GRIK2: variants seen among roughly 807,000 people sequenced by gnomAD.
The protein encoded by GRIK2 is glutamate ionotropic receptor kainate type subunit 2.
GRIK2 carries 32 observed loss-of-function variants against 100.3 expected under a neutral mutation model. The ratio of observed to expected loss-of-function variants is 0.32; its 90% CI spans 0.24 to 0.43. The LOEUF (loss-of-function observed/expected upper bound fraction) is 0.43. GRIK2 is among the 20% of genes least tolerant of loss of function. The pLI is 1.00. For synonymous variants in GRIK2, 417 were observed against 389.4 expected, an observed-to-expected ratio of 1.07 and a Z score of -0.83; for missense variants, 843 against 1,114.9, an observed-to-expected ratio of 0.76 and a Z score of 3.47.
intron 12 of GRIK2, 144 bp from the exon 13 acceptor site, chr6:101,924,457 G>T: frequency 1.7e-6 from 1 of 603,724 alleles, no homozygotes; most frequent in South Asian, 2.1e-5. Flanking sequence ...TTGCAGGCAC[G>T]TATATGAAAT....
chr6:101,851,601 T>C (rs1194587738), intron 10 of GRIK2, among the ~76,000 whole-genome samples: 1 of 151,986 alleles, frequency 6.6e-6, no homozygotes, highest in Non-Finnish European at 1.5e-5. Context: ...TAAAATACTT[T>C]ATGTTAAAAA....
chr6:101,928,228 G>T, intron 13 of GRIK2, 187 bp from the exon 14 acceptor site: 2 of 592,874 alleles, frequency 3.4e-6, no homozygotes, highest in East Asian at 5.6e-5. Context: ...TGTCCTAAAA[G>T]ATTGTCTATT....
At chr6:102,012,155 A>C (rs1173679643) in intron 14 of GRIK2, among the ~76,000 whole-genome samples, 1 of 151,900 alleles carries the variant, frequency 6.6e-6, no homozygotes, top group Admixed American at 6.6e-5. Context: ...AGGTGACTAT[A>C]TTTATGTTGG....
rs181676436 is a variant in GRIK2, at chr6:101,605,542, A to G, written c.116-16407A>G. 2.8e-4 allele frequency among the ~76,000 whole-genome samples: 42 copies of G among 152,132 alleles called. No homozygotes were observed. In the East Asian group the frequency reaches 6.2e-3, roughly 23 times the overall value. ...ATTTAAAATAAAAAAAGCTTAAATG[A>G]TTATATTTTAAATTGCTACATGTTG... is the stretch of plus-strand genomic sequence containing the variant. On this transcript the variant is annotated intron_variant, in intron 2 of 16. Transcript: ENST00000369134.
chr6:101,694,431 C>T (rs1336439127), intron 7 of GRIK2, among the ~76,000 whole-genome samples: 2 of 151,590 alleles, frequency 1.3e-5, no homozygotes, highest in Non-Finnish European at 2.9e-5. Context: ...TTTTTTCACG[C>T]TAATTAATTA....
rs115191474 is a variant in GRIK2, at chr6:101,399,045, A to G, written c.-233A>G. 6.9e-4 allele frequency: 325 copies of G among 471,980 alleles called. No homozygotes were observed. The highest frequency in any genetic ancestry group is 5.6e-3 in the African/African-American group (282 of 50,478). 29.2% of individuals were successfully genotyped at this position (471,980 alleles called of 1,614,324 possible). A position where few individuals can be genotyped will look rare whatever the true frequency, so the allele number is the denominator to read the frequency against. ...GATTTCTCCCGGATGCTCTCCGACT[A>G]ACATGGATGTCCCACCATTCCTTGC... On this transcript the variant is annotated 5_prime_UTR_variant, in exon 2 of 17. An upstream open reading frame in the 5' UTR loses its in-frame stop. Transcript: ENST00000369134.
At chr6:101,510,233 G>A (rs982625530) in intron 2 of GRIK2, among the ~76,000 whole-genome samples, 1 of 152,106 alleles carries the variant, frequency 6.6e-6, no homozygotes. Context: ...GAGAGTGAGG[G>A]CTTCCACAGG....
At position 101,401,376 on chromosome 6, in the gene GRIK2, T is replaced by A. The variant is rs140306210; in HGVS notation, c.115+1984T>A. Among the ~76,000 whole-genome samples, 62 of 152,026 alleles carry A rather than the reference T, an allele frequency of 4.1e-4. 1 individual carries two copies. Among genetic ancestry groups the A allele is most frequent in the South Asian group, 2.3e-3 (11 of 4,806 alleles). On this transcript the variant is annotated intron_variant, in intron 2 of 16. Transcript: ENST00000369134. ...CAGCTTTCCAAAAGAGCTCTCTCTC[T>A]CACACACACGCACACACACGCACAC...
chr6:101,792,178 C>G (rs1779919358), intron 7 of GRIK2, among the ~76,000 whole-genome samples: 2 of 151,306 alleles, frequency 1.3e-5, no homozygotes, highest in South Asian at 4.2e-4. Flanking sequence ...CAGTCTGTGT[C>G]TTTTAATTGG....
chr6:101,981,427 C>T (rs1334539040), intron 14 of GRIK2, among the ~76,000 whole-genome samples: 2 of 151,790 alleles, frequency 1.3e-5, no homozygotes, highest in African/African-American at 4.8e-5. Context: ...TTGATTGTAT[C>T]ATCTTCATCA....
At chr6:101,495,277 G>A (rs912060052) in intron 2 of GRIK2, among the ~76,000 whole-genome samples, 76 of 151,898 alleles carry the variant, frequency 5.0e-4, no homozygotes, top group Admixed American at 4.1e-3. Context: ...AGGCCGAGGC[G>A]GGTGGATCAC....
intron 2 of GRIK2, among the ~76,000 whole-genome samples, chr6:101,541,349 AC>A (rs71028073): frequency 1 from 150,192 of 150,192 alleles, 75,096 homozygotes; most frequent in Non-Finnish European, 1. Context: ...GGACCGGGTA[AC>A]AGATGTTACA....
chr6:101,614,041 C>T, intron 2 of GRIK2, among the ~76,000 whole-genome samples: 1 of 151,722 alleles, frequency 6.6e-6, no homozygotes, highest in Middle Eastern at 3.4e-3. Context: ...ATAAGTTTGT[C>T]ATTCCTGGAG....
At chr6:101,986,612 T>C (rs1424170398) in intron 14 of GRIK2, among the ~76,000 whole-genome samples, 3 of 151,896 alleles carry the variant, frequency 2.0e-5, no homozygotes, top group African/African-American at 7.2e-5. Context: ...AAAACTCATA[T>C]TTTCAGTTTT....
chr6:102,064,715 T>C (rs1055901716), intron 16 of GRIK2, among the ~76,000 whole-genome samples: 35 of 151,152 alleles, frequency 2.3e-4, no homozygotes, highest in Admixed American at 4.0e-4. Context: ...ACAATTATAT[T>C]TCACAAAACT....
chr6:101,927,827 G>T (rs1790001508), intron 13 of GRIK2: 1 of 152,516 alleles, frequency 6.6e-6, no homozygotes, highest in Non-Finnish European at 1.5e-5. Context: ...TTATACAGGA[G>T]AACATAATTT....
At chr6:101,525,364 A>T (rs952962701) in intron 2 of GRIK2, among the ~76,000 whole-genome samples, 1 of 152,208 alleles carries the variant, frequency 6.6e-6, no homozygotes, top group Non-Finnish European at 1.5e-5. Flanking sequence ...TAAGACAGCT[A>T]TGTGAGTTAC....
rs1024536168 is a variant in GRIK2 at position 101,848,413 on chromosome 6, G to C, written c.1318-10874G>C. Among the ~76,000 whole-genome samples, 31 of 151,844 alleles carry C rather than the reference G, an allele frequency of 2.0e-4. 1 individual carries two copies. Among genetic ancestry groups the C allele is most frequent in the Non-Finnish European group, 5.9e-5 (4 of 67,948 alleles). On this transcript the variant is annotated intron_variant, in intron 10 of 16. Coordinates refer to ENST00000369134, the MANE Select transcript of GRIK2 (RefSeq NM_021956.5). ...ATAAAGCCAAAAATATTTACTATTTGGTCTTTAAAGGAAAAAATTTGAACC... is the reference window on the plus strand; with the variant it reads ...ATAAAGCCAAAAATATTTACTATTTCGTCTTTAAAGGAAAAAATTTGAACC...
chr6:102,042,791 G>T (rs1401846262), intron 15 of GRIK2, among the ~76,000 whole-genome samples: 1 of 151,576 alleles, frequency 6.6e-6, no homozygotes, highest in Non-Finnish European at 1.5e-5. Context: ...GGGTTTATAG[G>T]ATAAAATTAT....
Sources: allele counts gnomAD v4.1 joint callset (sites outside exome capture counted in the v4.1 genomes callset), GRCh38; gene constraint gnomAD v4.1.1; transcripts MANE v1.5; gene names NCBI Gene and HGNC (gene_info 2026-07-23, HGNC 2026-07-21).